The following YY1AP1 variants were observed in gnomAD, a reference collection of about 807,000 sequenced individuals.
YY1AP1 encodes YY1-associated protein 1.
Under a neutral mutation model 39.9 loss-of-function variants are expected in YY1AP1, and 43 were observed. The ratio of observed to expected loss-of-function variants is 1.08; its 90% confidence interval spans 0.84 to 1.39. The LOEUF is 1.39. YY1AP1 is among the 40% of genes most tolerant of loss of function. The probability of loss-of-function intolerance (pLI) is 0.00; values close to 1 mark genes in which losing one functional copy is unlikely to be tolerated. For synonymous variants in YY1AP1, 292 were observed against 331.3 expected, an observed-to-expected ratio of 0.88 and a Z score of 1.29; for missense variants, 813 against 900.7, an observed-to-expected ratio of 0.90 and a Z score of 1.25.
chr1:155,669,167 G>C (rs1649491317), intron 8 of YY1AP1, among the ~76,000 whole-genome samples: 1 of 152,172 alleles, frequency 6.6e-6, no homozygotes, highest in Non-Finnish European at 1.5e-5. Flanking sequence ...CTGAGTATCT[G>C]TGGCTATAAA....
intron 9 of YY1AP1, among the ~76,000 whole-genome samples, chr1:155,665,488 A>C (rs1443607870): frequency 6.6e-6 from 1 of 151,764 alleles, no homozygotes; most frequent in Non-Finnish European, 1.5e-5. Flanking sequence ...AATCCCAGCT[A>C]CTCGGGAGGC....
At chr1:155,668,155 A>T (rs545413739) in intron 9 of YY1AP1, among the ~76,000 whole-genome samples, 19 of 151,958 alleles carry the variant, frequency 1.3e-4, no homozygotes, top group Non-Finnish European at 2.8e-4. Context: ...ACAAAAAATT[A>T]GCTGAGCGTG....
At chr1:155,665,273 A>G (rs1280725496) in intron 9 of YY1AP1, among the ~76,000 whole-genome samples, 1 of 151,902 alleles carries the variant, frequency 6.6e-6, no homozygotes, top group Non-Finnish European at 1.5e-5. Context: ...AAAATTCAGA[A>G]AAAAATTTTT....
At chr1:155,674,792 C>T (rs1035601919) in intron 6 of YY1AP1, 1 of 393,686 alleles carries the variant, frequency 2.5e-6, no homozygotes, top group South Asian at 2.8e-5. Flanking sequence ...TTCCACCGCA[C>T]TCCATCCTGG....
At position 155,664,123 on chromosome 1, in the gene YY1AP1, C is replaced by T. The variant is rs1351544328; in HGVS notation, c.880-2700G>A. On this transcript the variant is annotated intron_variant, in intron 9 of 10. Coordinates refer to ENST00000355499, the MANE Select transcript of YY1AP1 (RefSeq NM_139119.3). Reference sequence around the variant, plus strand: ...TGGGCAACAGGGTGGGACCCTGTCTCGGAAAAAAAAAAAAAAAGTTAAATG... The same window carrying T: ...TGGGCAACAGGGTGGGACCCTGTCTTGGAAAAAAAAAAAAAAAGTTAAATG... Among the ~76,000 whole-genome samples, 7 of 143,964 alleles carry T rather than the reference C, an allele frequency of 4.9e-5. No homozygotes were observed. In the East Asian group the frequency reaches 9.9e-4, roughly 20 times the overall value. 94.4% of individuals were successfully genotyped at this position (143,964 alleles called of 152,430 possible). A position where few individuals can be genotyped will look rare whatever the true frequency, so the allele number is the denominator to read the frequency against.
intron 9 of YY1AP1, among the ~76,000 whole-genome samples, chr1:155,665,162 A>C (rs1648772824): frequency 6.6e-6 from 1 of 152,050 alleles, no homozygotes; most frequent in African/African-American, 2.4e-5. Flanking sequence ...TCATGCCTAT[A>C]ATCTCAGCAC....
chr1:155,674,955 T>A (rs1650424102), intron 6 of YY1AP1, 55 bp downstream of exon 6: 1 of 1,502,930 alleles, frequency 6.7e-7, no homozygotes, highest in African/African-American at 1.4e-5. Context: ...AGAAATAACC[T>A]GCCAAGCTAA....
chr1:155,660,427 G>A lies in YY1AP1; in HGVS notation c.1483C>T (p.Pro495Ser). 6.2e-7 allele frequency: 1 copy of A among 1,614,148 alleles called. No individual in the cohort carries two copies. The highest frequency in any genetic ancestry group is 1.3e-5 in the African/African-American group (1 of 75,020). The change falls in exon 11 of 11, where the codon CCT becomes TCT. Residue 495 changes from proline to serine, a missense_variant. Transcript: ENST00000355499. ...AMPPEARTSF[P>S]LSESQTLLSS... ...AGCAAAGTCTGGGACTCAGACAGAG[G>A]GAAGCTTGTCCTGGCCTCAGGGGGC...
chr1:155,660,166 C>G lies in YY1AP1; in HGVS notation c.1744G>C (p.Ala582Pro). 1 of 1,614,154 alleles carries G rather than the reference C, an allele frequency of 6.2e-7. No homozygotes were observed. The highest frequency in any genetic ancestry group is 1.1e-5 in the South Asian group (1 of 91,082). Reference protein sequence around the residue: ...NMIQPVNAAVAQSPQTIPIAT... With the variant: ...NMIQPVNAAVPQSPQTIPIAT... The stretch of plus-strand genomic sequence containing the variant: ...ATGGGAATAGTCTGGGGACTCTGGG[C>G]CACAGCCGCATTGACAGGCTGGATC... The change falls in exon 11 of 11, where the codon GCC becomes CCC. Residue 582 changes from alanine (A) to proline (P), a missense_variant. Around this residue, in one of 3 missense-constraint regions of YY1AP1, gnomAD observed 586 missense variants for 647.4 expected, o/e 0.91. Transcript: ENST00000355499.
chr1:155,675,212 G>C, intron 5 of YY1AP1, 116 bp from the exon 6 acceptor site: 1 of 871,198 alleles, frequency 1.1e-6, no homozygotes, highest in South Asian at 1.6e-5. Context: ...ACAGCTTGGA[G>C]TGCAGTGGTG....
chr1:155,659,455 G>T lies in YY1AP1; in HGVS notation c.*202C>A. On this transcript the variant is annotated 3_prime_UTR_variant, in exon 11 of 11. Transcript: ENST00000355499. Reference sequence around the variant, plus strand: ...AAATTGCACAAATCAATGAAACAATGAAGCAATAAAAGCACAGATTTATTG... The same window carrying T: ...AAATTGCACAAATCAATGAAACAATTAAGCAATAAAAGCACAGATTTATTG... The T allele has an allele frequency of 3.3e-6, 2 of 604,418 alleles. No individual in the cohort carries two copies. The highest frequency in any genetic ancestry group is 5.9e-6 in the Non-Finnish European group (2 of 341,674). The allele number at this position is 604,418 out of a possible 1,614,324, so 37.4% of individuals were successfully genotyped here.
chr1:155,670,741 C>A, intron 7 of YY1AP1: 1 of 336,570 alleles, frequency 3.0e-6, no homozygotes, highest in South Asian at 2.6e-5. Flanking sequence ...GTGGCGCAAT[C>A]TTGGCTCACT....
At position 155,683,526 on chromosome 1, in the gene YY1AP1, C is replaced by T. The variant is rs551610088; in HGVS notation, c.-20-3070G>A. Among the ~76,000 whole-genome samples the T allele has an allele frequency of 3.3e-5, 5 of 151,968 alleles. No individual in the cohort carries two copies. The South Asian group carries it at 8.3e-4, about 25-fold the overall frequency. ...CAAAAATTAGCCAGGTGTAGTGGTG[C>T]GTGCCTGTAAACCCAGCTGCTCAGG... On this transcript the variant is annotated intron_variant, in intron 2 of 10. Transcript: ENST00000355499.
chr1:155,670,752 G>T (rs1372222749), intron 7 of YY1AP1: 4 of 320,966 alleles, frequency 1.2e-5, no homozygotes, highest in Non-Finnish European at 2.4e-5. Context: ...TTGGCTCACT[G>T]CAAGCTCCGC....
At chr1:155,672,774 C>A in intron 6 of YY1AP1, 43 bp from the exon 7 acceptor site, 1 of 1,613,870 alleles carries the variant, frequency 6.2e-7, no homozygotes, top group Non-Finnish European at 8.5e-7. Flanking sequence ...CAATTCCAGA[C>A]AATTAATACC....
At chr1:155,680,996 A>G (rs59938922) in intron 2 of YY1AP1, among the ~76,000 whole-genome samples, 3,587 of 152,196 alleles carry the variant, frequency 0.024, 148 homozygotes, top group African/African-American at 0.082. Context: ...TTAAATTCTA[A>G]TAGGAAGAAG....
Position 155,680,397 on chromosome 1 carries a change from C to A in YY1AP1, c.21+19G>T. On this transcript the variant is annotated intron_variant, in intron 3 of 10. Coordinates refer to ENST00000355499, the MANE Select transcript of YY1AP1 (RefSeq NM_139119.3). ...ACCAACTTACAATCCCATGTTCTCACTTGAGGATCATTACTCACAGTTTCA... is the reference window on the plus strand; with the variant it reads ...ACCAACTTACAATCCCATGTTCTCAATTGAGGATCATTACTCACAGTTTCA... 6.2e-7 allele frequency: 1 copy of A among 1,612,890 alleles called. No homozygotes were observed. The highest frequency in any genetic ancestry group is 8.5e-7 in the Non-Finnish European group (1 of 1,179,282).
At chr1:155,681,218 T>C (rs919528585) in intron 2 of YY1AP1, among the ~76,000 whole-genome samples, 3 of 151,672 alleles carry the variant, frequency 2.0e-5, no homozygotes, top group African/African-American at 7.3e-5. Context: ...TTAGTAGAGA[T>C]GGGGTTTCTC....
chr1:155,676,533 C>G lies in YY1AP1; in HGVS notation c.324+15G>C. On this transcript the variant is annotated intron_variant, in intron 5 of 10. Transcript: ENST00000355499. The stretch of plus-strand genomic sequence containing the variant: ...TGGTATAATTCAATATTAATATGAC[C>G]AAGGAAAGTGTTACCTGCTGCATCT... The G allele has an allele frequency of 6.2e-7, 1 of 1,613,870 alleles. No homozygotes were observed. Among genetic ancestry groups the G allele is most frequent in the Non-Finnish European group, 8.5e-7 (1 of 1,179,838 alleles).
Sources: allele counts gnomAD v4.1 joint callset (sites outside exome capture counted in the v4.1 genomes callset), GRCh38; gene constraint gnomAD v4.1.1; regional missense constraint gnomAD v4.1.1; transcripts MANE v1.5; gene names NCBI Gene and HGNC (gene_info 2026-07-23, HGNC 2026-07-21).